TAOK3: variants seen among roughly 807,000 people sequenced by gnomAD.
TAOK3 encodes serine/threonine-protein kinase TAO3.
In TAOK3, 40 loss-of-function variants were observed where a neutral mutation model predicts 120.4. That is an observed-to-expected ratio of 0.33 (90% CI 0.26 to 0.43). The LOEUF is 0.43. TAOK3 is among the 20% of genes least tolerant of loss of function. TAOK3 has a pLI of 1.00. For missense variants in TAOK3, 821 were observed against 1,112.1 expected (o/e 0.74, Z 3.72); for synonymous variants, 355 against 387.5 (o/e 0.92, Z 0.99).
At chr12:118,243,661 C>T (rs549285085) in intron 4 of TAOK3, 145 bp from the exon 5 acceptor site, 6 of 449,166 alleles carry the variant, frequency 1.3e-5, no homozygotes, top group Non-Finnish European at 2.3e-5. Flanking sequence ...TTTAAACATG[C>T]TATTTCTTTC....
At chr12:118,301,328 C>T (rs2042873298) in intron 1 of TAOK3, among the ~76,000 whole-genome samples, 1 of 152,066 alleles carries the variant, frequency 6.6e-6, no homozygotes, top group African/African-American at 2.4e-5. Context: ...AAAAACAAAA[C>T]CAAAAACTCT....
chr12:118,350,738 T>A (rs2045104925), intron 1 of TAOK3, among the ~76,000 whole-genome samples: 1 of 151,412 alleles, frequency 6.6e-6, no homozygotes, highest in Non-Finnish European at 1.5e-5. Flanking sequence ...TGGGCACCTG[T>A]AATCCCAGCT....
At chr12:118,346,080 T>C (rs1015684719) in intron 1 of TAOK3, among the ~76,000 whole-genome samples, 4 of 152,334 alleles carry the variant, frequency 2.6e-5, no homozygotes, top group African/African-American at 9.6e-5. Flanking sequence ...TATCTAGGTA[T>C]AGAATATAAA....
chr12:118,196,136 G>C (rs150645670), intron 13 of TAOK3, among the ~76,000 whole-genome samples: 2 of 152,168 alleles, frequency 1.3e-5, no homozygotes, highest in African/African-American at 4.8e-5. Context: ...GCCTGGGAAA[G>C]ACCAGAGTAG....
chr12:118,238,296 G>C (rs750538498), intron 6 of TAOK3, 127 bp from the exon 7 acceptor site: 35 of 521,132 alleles, frequency 6.7e-5, no homozygotes, highest in Middle Eastern at 3.8e-4. Flanking sequence ...CATTCACCTA[G>C]ATCTTCTATA....
rs1432885697 is a variant in TAOK3, at chr12:118,161,384, TTCC to T, written c.2139+401_2139+403del. ...AGACATCACTAATAAATGACACTCT[TTCC>T]TCCTAAGCTTGGATGTGGCTTTAGA... On this transcript the variant is annotated intron_variant, in intron 18 of 20. Coordinates refer to ENST00000392533, the MANE Select transcript of TAOK3 (RefSeq NM_016281.4). This position sits in a 1 kb window ranked among gnomAD's most constrained non-coding sequence, Gnocchi z 4.5. 2.6e-5 allele frequency among the ~76,000 whole-genome samples: 4 copies of T among 152,194 alleles called. No individual in the cohort carries two copies. Among genetic ancestry groups the T allele is most frequent in the Non-Finnish European group, 4.4e-5 (3 of 68,036 alleles).
At chr12:118,158,406 C>T (rs2034985952) in intron 19 of TAOK3, among the ~76,000 whole-genome samples, 1 of 152,202 alleles carries the variant, frequency 6.6e-6, no homozygotes, top group Non-Finnish European at 1.5e-5. Flanking sequence ...CTGTACCTCT[C>T]TACCTGGTCA....
At chr12:118,194,066 A>G (rs2037573921) in intron 13 of TAOK3, among the ~76,000 whole-genome samples, 1 of 152,162 alleles carries the variant, frequency 6.6e-6, no homozygotes, top group African/African-American at 2.4e-5. Flanking sequence ...TCAAATTTGT[A>G]TTTCATAAAA....
At chr12:118,232,288 TA>T (rs2139823341) in intron 9 of TAOK3, among the ~76,000 whole-genome samples, 1 of 152,350 alleles carries the variant, frequency 6.6e-6, no homozygotes, top group South Asian at 2.1e-4. Flanking sequence ...TGTGGCACTT[TA>T]GACAATGTTA....
chr12:118,257,188 C>T (rs1415566411), intron 2 of TAOK3, among the ~76,000 whole-genome samples: 1 of 152,154 alleles, frequency 6.6e-6, no homozygotes, highest in Non-Finnish European at 1.5e-5. Context: ...CAGCAAAGCC[C>T]ATGCTCTTGA....
chr12:118,214,355 T>C (rs2038776804), intron 9 of TAOK3, among the ~76,000 whole-genome samples: 1 of 152,098 alleles, frequency 6.6e-6, no homozygotes, highest in African/African-American at 2.4e-5. Flanking sequence ...GAAAGAAAAG[T>C]TTTTTTCTTT....
At chr12:118,230,460 G>GTTTTTTT (rs71069433) in intron 9 of TAOK3, among the ~76,000 whole-genome samples, 2 of 50,036 alleles carry the variant, frequency 4.0e-5, no homozygotes, top group African/African-American at 7.9e-5. Flanking sequence ...CCTGTGAAGT[G>GTTTTTTT]TTTTTTTTTT....
intron 11 of TAOK3, among the ~76,000 whole-genome samples, chr12:118,206,430 C>T (rs2038315447): frequency 6.6e-6 from 1 of 152,134 alleles, no homozygotes; most frequent in African/African-American, 2.4e-5. Context: ...AGCCAGGTTC[C>T]TGCTTGTATT....
intron 11 of TAOK3, among the ~76,000 whole-genome samples, chr12:118,206,010 A>G (rs1797635754): frequency 6.6e-6 from 1 of 152,102 alleles, no homozygotes; most frequent in African/African-American, 2.4e-5. Flanking sequence ...CAGATCACTA[A>G]GTGACTAAGT....
At chr12:118,243,959 G>A (rs897035532) in intron 4 of TAOK3, among the ~76,000 whole-genome samples, 3 of 151,938 alleles carry the variant, frequency 2.0e-5, no homozygotes, top group Middle Eastern at 3.4e-3. Context: ...GATCACAGGC[G>A]TGAGACACTG....
At chr12:118,232,630 G>C (rs1285245806) in intron 9 of TAOK3, among the ~76,000 whole-genome samples, 1 of 152,098 alleles carries the variant, frequency 6.6e-6, no homozygotes, top group East Asian at 1.9e-4. Flanking sequence ...ATGAGACTGG[G>C]TGTGGTGTCT....
chr12:118,315,273 C>T (rs1048558339), intron 1 of TAOK3, among the ~76,000 whole-genome samples: 6 of 152,206 alleles, frequency 3.9e-5, no homozygotes, highest in East Asian at 1.9e-4. Context: ...AAACATCCAT[C>T]GGTGGGGAAA....
At chr12:118,251,060 A>G (rs1178751823) in intron 3 of TAOK3, among the ~76,000 whole-genome samples, 2 of 152,160 alleles carry the variant, frequency 1.3e-5, no homozygotes, top group Non-Finnish European at 2.9e-5. Context: ...AGGGATTTTG[A>G]TCTTGGCCTA....
intron 1 of TAOK3, among the ~76,000 whole-genome samples, chr12:118,356,642 G>T (rs192446243): frequency 6.6e-6 from 1 of 152,172 alleles, no homozygotes; most frequent in East Asian, 1.9e-4. Context: ...GCCACGTGCA[G>T]TGGCTCACAC....
Sources: allele counts gnomAD v4.1 joint callset (sites outside exome capture counted in the v4.1 genomes callset), GRCh38; gene constraint gnomAD v4.1.1; non-coding constraint Gnocchi (gnomAD v3.1); transcripts MANE v1.5; gene names NCBI Gene and HGNC (gene_info 2026-07-23, HGNC 2026-07-21).